MYT1L: variants seen among roughly 807,000 people sequenced by gnomAD.
MYT1L encodes the protein myelin transcription factor 1-like protein.
In MYT1L, 12 loss-of-function variants were observed where a neutral mutation model predicts 126.7. The ratio of observed to expected loss-of-function variants is 0.09; its 90% CI spans 0.06 to 0.15. MYT1L has a LOEUF of 0.15. MYT1L is among the 10% of genes least tolerant of loss of function. The pLI is 1.00. For missense variants in MYT1L, 979 were observed against 1,585.2 expected (o/e 0.62, Z 6.49); for synonymous variants, 541 against 604.2 (o/e 0.90, Z 1.53).
chr2:2,248,450 AAAG>A (rs1399136104), intron 2 of MYT1L, among the ~76,000 whole-genome samples: 2 of 152,192 alleles, frequency 1.3e-5, no homozygotes, highest in African/African-American at 4.8e-5. Flanking sequence ...CCAAGCATTT[AAAG>A]AAGAACCAAA....
chr2:2,032,665 T>TTA (rs2066470306), intron 4 of MYT1L, among the ~76,000 whole-genome samples: 1 of 119,894 alleles, frequency 8.3e-6, no homozygotes, highest in African/African-American at 3.5e-5. Flanking sequence ...AAGGAGGGCC[T>TTA]TACACACACC....
chr2:2,323,810 T>C (rs557806198), intron 1 of MYT1L, among the ~76,000 whole-genome samples: 1 of 152,344 alleles, frequency 6.6e-6, no homozygotes, highest in East Asian at 1.9e-4. Context: ...TCCAGTAAGT[T>C]GCTGGTTAAA....
chr2:2,280,942 C>T (rs2095438540), intron 2 of MYT1L, among the ~76,000 whole-genome samples: 1 of 152,190 alleles, frequency 6.6e-6, no homozygotes, highest in Admixed American at 6.5e-5. Flanking sequence ...ATAGGGGACA[C>T]ACTAGGTTTT....
chr2:1,873,581 T>C (rs1278280145), intron 18 of MYT1L, among the ~76,000 whole-genome samples: 4 of 152,152 alleles, frequency 2.6e-5, no homozygotes, highest in African/African-American at 9.6e-5. Context: ...ACTGAGATTT[T>C]TGCTTCAATT....
chr2:2,062,422 C>G (rs116191752), intron 3 of MYT1L, among the ~76,000 whole-genome samples: 2,903 of 152,294 alleles, frequency 0.019, 97 homozygotes, highest in African/African-American at 0.066. Flanking sequence ...CATCTGGCCT[C>G]GTCCACACTG....
intron 2 of MYT1L, among the ~76,000 whole-genome samples, chr2:2,212,976 T>C (rs1214121852): frequency 6.6e-6 from 1 of 151,960 alleles, no homozygotes; most frequent in African/African-American, 2.4e-5. Flanking sequence ...AGAAGGCAAA[T>C]AAGTAGAGGG....
At chr2:2,260,414 A>T (rs2094933047) in intron 2 of MYT1L, among the ~76,000 whole-genome samples, 1 of 152,228 alleles carries the variant, frequency 6.6e-6, no homozygotes, top group Non-Finnish European at 1.5e-5. Flanking sequence ...AGTGAAAATG[A>T]CAGGTTTGAC....
chr2:2,017,382 T>C (rs367740582), intron 4 of MYT1L, among the ~76,000 whole-genome samples: 7 of 152,350 alleles, frequency 4.6e-5, no homozygotes, highest in African/African-American at 1.7e-4. Context: ...TGTCCCAGTA[T>C]GGACGAGAGG....
At chr2:2,076,542 C>T (rs937078932) in intron 3 of MYT1L, among the ~76,000 whole-genome samples, 7 of 151,768 alleles carry the variant, frequency 4.6e-5, no homozygotes, top group Admixed American at 4.6e-4. Flanking sequence ...TCCAAGAACT[C>T]GAAAGAAAAA....
intron 18 of MYT1L, among the ~76,000 whole-genome samples, chr2:1,875,086 A>G (rs79880373): frequency 0.013 from 1,816 of 138,932 alleles, 22 homozygotes; most frequent in African/African-American, 0.045. Flanking sequence ...AATGGGCAAC[A>G]TGTGCTGAGG....
intron 2 of MYT1L, among the ~76,000 whole-genome samples, chr2:2,196,419 A>G (rs1356146585): frequency 6.6e-6 from 1 of 152,016 alleles, no homozygotes; most frequent in Non-Finnish European, 1.5e-5. Flanking sequence ...AACAACAAAT[A>G]CTGTAAGTAT....
chr2:1,965,594 C>T (rs142476181), intron 8 of MYT1L, among the ~76,000 whole-genome samples: 2,052 of 152,322 alleles, frequency 0.013, 11 homozygotes, highest in African/African-American at 0.021. Context: ...TCCCATCGCC[C>T]CTGCCCTGGC....
At chr2:2,149,668 A>G (rs2085436782) in intron 3 of MYT1L, among the ~76,000 whole-genome samples, 2 of 152,208 alleles carry the variant, frequency 1.3e-5, no homozygotes, top group Non-Finnish European at 2.9e-5. Flanking sequence ...TCATTCTGGC[A>G]TTGCAAGCAT....
chr2:2,004,338 CG>C, intron 4 of MYT1L, among the ~76,000 whole-genome samples: 1 of 139,530 alleles, frequency 7.2e-6, no homozygotes, highest in Non-Finnish European at 1.6e-5. Context: ...TTCCTGCATA[CG>C]TTCTTTCCTG....
intron 8 of MYT1L, among the ~76,000 whole-genome samples, chr2:1,972,723 C>T (rs971457352): frequency 6.6e-6 from 1 of 152,238 alleles, no homozygotes; most frequent in African/African-American, 2.4e-5. Flanking sequence ...ATTCACCACG[C>T]TGTGCCATGG....
chr2:1,872,721 G>C (rs544707343), intron 18 of MYT1L, among the ~76,000 whole-genome samples: 16 of 152,248 alleles, frequency 1.1e-4, no homozygotes, highest in African/African-American at 3.9e-4. Context: ...CCTCCACAGA[G>C]TCTCAAAACT....
Position 1,790,595 on chromosome 2 carries a change from T to A in MYT1L, c.*1272A>T, listed in dbSNP as rs1307164130. 6.6e-6 allele frequency: 1 copy of A among 152,288 alleles called. No individual in the cohort carries two copies. The highest frequency in any genetic ancestry group is 1.5e-5 in the Non-Finnish European group (1 of 68,100). 9.4% of individuals were successfully genotyped at this position (152,288 alleles called of 1,614,324 possible). On this transcript the variant is annotated 3_prime_UTR_variant, in exon 25 of 25. Transcript: ENST00000647738. ...TCAAACAATGAGGCTCTGCAAATGC[T>A]CTATGGTCAACTGGTCTCCACCCAA...
At position 2,237,778 on chromosome 2, in the gene MYT1L, C is replaced by T. The variant is rs571655700; in HGVS notation, c.-421+46626G>A. Among the ~76,000 whole-genome samples the T allele has an allele frequency of 9.2e-5, 14 of 152,266 alleles. No individual in the cohort carries two copies. The South Asian group carries it at 2.9e-3, about 32-fold the overall frequency. ...AAGTCATTGCTCAGGGTCACGTGGG[C>T]TGCATGTCTGTGACTGACAGAGATG... On this transcript the variant is annotated intron_variant, in intron 2 of 24. Transcript: ENST00000647738.
Position 1,815,883 on chromosome 2 carries a change from G to C in MYT1L, c.3081-6716C>G, listed in dbSNP as rs980101405. Among the ~76,000 whole-genome samples the C allele has an allele frequency of 2.0e-5, 3 of 152,334 alleles. No homozygotes were observed. In the East Asian group the frequency reaches 5.8e-4, roughly 29 times the overall value. ...CCCTTAGACTGGGGAGTGGCTCCAG[G>C]CATCCAGGTGAGAGGCACACGGCAC... is the stretch of plus-strand genomic sequence containing the variant. On this transcript the variant is annotated intron_variant, in intron 21 of 24. Coordinates refer to ENST00000647738, the MANE Select transcript of MYT1L (RefSeq NM_001303052.2).
Sources: gnomAD v4.1 joint callset for allele counts (sites outside exome capture counted in the v4.1 genomes callset) on GRCh38, gnomAD v4.1.1 for gene constraint, MANE v1.5 for transcripts, NCBI Gene and HGNC (gene_info 2026-07-23, HGNC 2026-07-21) for gene names.